ARHGAP23: variants seen among roughly 807,000 people sequenced by gnomAD.
ARHGAP23 encodes rho GTPase-activating protein 23.
ARHGAP23 carries 34 observed loss-of-function variants against 136.3 expected under a neutral mutation model. The observed-to-expected ratio is 0.25, with a 90% CI of 0.19 to 0.33. ARHGAP23 has a LOEUF of 0.33. ARHGAP23 is among the 10% of genes least tolerant of loss of function. The pLI is 1.00. For synonymous variants in ARHGAP23, 832 were observed against 920.5 expected (o/e 0.90, Z 1.74); for missense variants, 1,808 against 2,139.0 (o/e 0.85, Z 3.05).
intron 2 of ARHGAP23, 68 bp downstream of exon 2, chr17:38,458,331 A>AGTCCC (rs887194461): frequency 4.2e-6 from 6 of 1,444,914 alleles, no homozygotes; most frequent in Non-Finnish European, 5.5e-6. Context: ...CTTTTGTGCC[A>AGTCCC]GTCCCCTTCA....
intron 7 of ARHGAP23, 89 bp from the exon 8 acceptor site, chr17:38,469,055 G>A (rs1315465409): frequency 2.9e-6 from 4 of 1,380,536 alleles, no homozygotes; most frequent in African/African-American, 2.9e-5. Flanking sequence ...GCCTGGAGGC[G>A]AGTGGCACGG....
chr17:38,446,181 ATTTTTTTTTT>A (rs5820259), intron 1 of ARHGAP23, among the ~76,000 whole-genome samples: 31 of 99,624 alleles, frequency 3.1e-4, no homozygotes, highest in African/African-American at 9.5e-4. Context: ...CACCTGGCTA[ATTTTTTTTTT>A]TTTTTTTTTT....
chr17:38,456,668 G>A (rs1159190753), intron 1 of ARHGAP23, among the ~76,000 whole-genome samples: 1 of 152,172 alleles, frequency 6.6e-6, no homozygotes, highest in Non-Finnish European at 1.5e-5. Flanking sequence ...GCTTCTCCGT[G>A]GCTCCCATCT....
Position 38,511,223 on chromosome 17 carries a change from G to A in ARHGAP23, c.*251G>A. On this transcript the variant is annotated 3_prime_UTR_variant, in exon 24 of 24. Transcript: ENST00000622683. ...AGAGGAGGGGGCGTGGGCTGCTGGG[G>A]TCTGTGTCCCTGCACACATGCGCCC... 2 of 464,102 alleles carry A rather than the reference G, an allele frequency of 4.3e-6. No homozygotes were observed. Among genetic ancestry groups the A allele is most frequent in the Admixed American group, 8.8e-5 (2 of 22,672 alleles). 28.7% of individuals were successfully genotyped at this position (464,102 alleles called of 1,614,324 possible). A position where few individuals can be genotyped will look rare whatever the true frequency, so the allele number is the denominator to read the frequency against.
chr17:38,510,744 C>G lies in ARHGAP23; in HGVS notation c.4248C>G (p.Asp1416Glu). 6.7e-7 allele frequency: 1 copy of G among 1,483,998 alleles called. No individual in the cohort carries two copies. Among genetic ancestry groups the G allele is most frequent in the South Asian group, 1.3e-5 (1 of 77,380 alleles). The allele number at this position is 1,483,998 out of a possible 1,614,324, so 91.9% of individuals were successfully genotyped here. The change falls in exon 24 of 24, where the codon GAC becomes GAG. Residue 1416 changes from aspartate (D) to glutamate (E), a missense_variant. Coordinates refer to ENST00000622683, the MANE Select transcript of ARHGAP23 (RefSeq NM_001199417.2). This position sits in a 1 kb window ranked among gnomAD's most constrained non-coding sequence, Gnocchi z 4.6. The part of the protein sequence containing the change: ...HTVVVQSPLT[D>E]LNFNEWKELG... ...TGGTGGTGCAGAGCCCGCTGACTGA[C>G]CTCAACTTCAACGAGTGGAAGGAGC...
intron 23 of ARHGAP23, chr17:38,501,227 A>C (rs903916440): frequency 1.3e-5 from 2 of 152,210 alleles, no homozygotes; most frequent in Admixed American, 6.5e-5. Context: ...AATAAAAAGA[A>C]AGATGGCACA....
intron 23 of ARHGAP23, among the ~76,000 whole-genome samples, chr17:38,501,885 C>T (rs1280594016): frequency 6.7e-6 from 1 of 149,746 alleles, no homozygotes; most frequent in Non-Finnish European, 1.5e-5. Flanking sequence ...TTAAAATATT[C>T]TAAATAGAAA....
At chr17:38,497,658 C>T (rs950607753) in intron 20 of ARHGAP23, 127 bp from the exon 21 acceptor site, 271 of 940,836 alleles carry the variant, frequency 2.9e-4, no homozygotes, top group Non-Finnish European at 4.0e-4. Context: ...TTTGCAGCCC[C>T]GCCAGCCTGG....
chr17:38,428,513 G>A lies in ARHGAP23; in HGVS notation c.28G>A (p.Gly10Arg). MNGVAFCLV[G>R]IPPRPEPRPP... is the part of the protein sequence containing the mutation. ...GAATGGAGTCGCCTTCTGCCTGGTCGGGATCCCGCCCCGCCCGGAGCCCCG... is the reference window on the plus strand; with the variant it reads ...GAATGGAGTCGCCTTCTGCCTGGTCAGGATCCCGCCCCGCCCGGAGCCCCG... The change falls in exon 1 of 24, where the codon GGG becomes AGG. Residue 10 changes from glycine (G) to arginine (R), a missense_variant. Coordinates refer to ENST00000622683, the MANE Select transcript of ARHGAP23 (RefSeq NM_001199417.2). 1.4e-6 allele frequency: 2 copies of A among 1,456,034 alleles called. No individual in the cohort carries two copies. Among genetic ancestry groups the A allele is most frequent in the Non-Finnish European group, 9.0e-7 (1 of 1,107,680 alleles). 90.2% of individuals were successfully genotyped at this position (1,456,034 alleles called of 1,614,324 possible).
At position 38,469,506 on chromosome 17, in the gene ARHGAP23, A is replaced by C; in HGVS notation, c.1805-18A>C. 1 of 1,545,944 alleles carries C rather than the reference A, an allele frequency of 6.5e-7. No individual in the cohort carries two copies. Among genetic ancestry groups the C allele is most frequent in the Non-Finnish European group, 8.7e-7 (1 of 1,145,110 alleles). On this transcript the variant is annotated intron_variant, in intron 8 of 23. Coordinates refer to ENST00000622683, the MANE Select transcript of ARHGAP23 (RefSeq NM_001199417.2). ...GCTGCCCCGCTGACCCTGAGGCCCG[A>C]TGTGGGCGGCTTTGCAGGCAGCATC...
chr17:38,471,976 T>C lies in ARHGAP23; in HGVS notation c.2088T>C (p.Tyr696=), dbSNP rs138655585. 3,410 of 1,549,636 alleles carry C rather than the reference T, an allele frequency of 2.2e-3. 56 individuals are homozygous for C. In the African/African-American group the frequency reaches 0.04, roughly 18 times the overall value. Residue 696 remains tyrosine (Y), a synonymous_variant, in exon 11 of 24, where the codon TAT becomes TAC. Transcript: ENST00000622683. ...ATATCAGGAGAGAAGGCTGGTTGTA[T>C]TATAAGCAGATTCTCACCAAGAAGG... ...FSDIRREGWL[Y]YKQILTKKGK...
chr17:38,489,235 G>A (rs2040219730), intron 17 of ARHGAP23, among the ~76,000 whole-genome samples: 2 of 152,280 alleles, frequency 1.3e-5, no homozygotes, highest in East Asian at 3.9e-4. Flanking sequence ...CATGGATTCT[G>A]CATCTCATGT....
intron 23 of ARHGAP23, among the ~76,000 whole-genome samples, chr17:38,501,986 T>C (rs1037939668): frequency 6.6e-6 from 1 of 152,092 alleles, no homozygotes; most frequent in African/African-American, 2.4e-5. Context: ...TAAGAAATAA[T>C]ACCAATTCTC....
intron 23 of ARHGAP23, among the ~76,000 whole-genome samples, chr17:38,501,953 TA>T: frequency 6.6e-6 from 1 of 151,870 alleles, no homozygotes; most frequent in Admixed American, 6.6e-5. Flanking sequence ...TTGAATTATT[TA>T]AATGTTATTT....
At chr17:38,495,234 T>C (rs8077916) in intron 20 of ARHGAP23, among the ~76,000 whole-genome samples, 89,949 of 124,066 alleles carry the variant, frequency 0.73, 29,642 homozygotes, top group East Asian at 0.89. Context: ...TTTTCTTTTT[T>C]TTTTTTTTTT....
intron 1 of ARHGAP23, among the ~76,000 whole-genome samples, chr17:38,449,393 G>T (rs1401806016): frequency 1.3e-5 from 2 of 152,348 alleles, no homozygotes; most frequent in South Asian, 2.1e-4. Flanking sequence ...GGTGATGGGG[G>T]TTATGTGTAC....
In ARHGAP23 at chr17:38,471,881, A is replaced by G. The variant is rs1419077995; in HGVS notation, c.1993A>G (p.Thr665Ala). The G allele has an allele frequency of 3.2e-6, 5 of 1,543,054 alleles. No individual in the cohort carries two copies. The highest frequency in any genetic ancestry group is 4.4e-6 in the Non-Finnish European group (5 of 1,144,370). The change falls in exon 11 of 24, where the codon ACC becomes GCC. Residue 665 changes from threonine to alanine, a missense_variant. By Grantham distance (58) the Thr-to-Ala change is moderately conservative (BLOSUM62 0). This residue lies in a region of ARHGAP23 where 139 missense variants were observed against 264.3 expected (regional missense o/e 0.53). Coordinates refer to ENST00000622683, the MANE Select transcript of ARHGAP23 (RefSeq NM_001199417.2). ...FTDGSLDSWGTSEDADAPSKR... is the reference protein window; with the variant it reads ...FTDGSLDSWGASEDADAPSKR... ...CCTGCAGTCCTTGGATAGCTGGGGC[A>G]CCTCTGAAGATGCTGACGCTCCTTC...
intron 1 of ARHGAP23, among the ~76,000 whole-genome samples, chr17:38,439,530 A>G (rs1412665326): frequency 6.6e-6 from 1 of 152,182 alleles, no homozygotes; most frequent in Non-Finnish European, 1.5e-5. Context: ...CAATAATAAT[A>G]ACAATGGGAG....
At chr17:38,500,336 G>T in intron 22 of ARHGAP23, 1 of 538,400 alleles carries the variant, frequency 1.9e-6, no homozygotes. Context: ...CTTAGCCATC[G>T]GTAAATGAGG....
Sources: gnomAD v4.1 joint callset for allele counts (sites outside exome capture counted in the v4.1 genomes callset) on GRCh38, gnomAD v4.1.1 for gene constraint, gnomAD v4.1.1 regional missense constraint, Gnocchi (gnomAD v3.1) non-coding constraint, MANE v1.5 for transcripts, NCBI Gene and HGNC (gene_info 2026-07-23, HGNC 2026-07-21) for gene names.